The following KIFC3 variants were observed in gnomAD, a reference collection of about 807,000 sequenced individuals.
The protein encoded by KIFC3 is kinesin-like protein KIFC3.
A neutral mutation model predicts 101.8 loss-of-function variants in KIFC3; 60 were observed. The ratio of observed to expected loss-of-function variants is 0.59; its 90% CI spans 0.48 to 0.73. KIFC3 has a LOEUF of 0.73. Among genes scored for constraint, KIFC3 ranks in the 30% least tolerant of loss-of-function variants. The probability of loss-of-function intolerance (pLI) is 0.00; values close to 1 mark genes in which losing one functional copy is unlikely to be tolerated. For synonymous variants in KIFC3, 476 were observed against 482.7 expected (o/e 0.99, Z 0.18); for missense variants, 966 against 1,137.1 (o/e 0.85, Z 2.16).
At chr16:57,810,068 G>A (rs189185628) in intron 1 of KIFC3, among the ~76,000 whole-genome samples, 319 of 152,184 alleles carry the variant, frequency 2.1e-3, no homozygotes, top group Non-Finnish European at 3.9e-3. Context: ...AGTACCCCGC[G>A]GTCCAACACT....
At chr16:57,785,798 G>T (rs967764930) in intron 3 of KIFC3, 4 of 365,284 alleles carry the variant, frequency 1.1e-5, no homozygotes, top group African/African-American at 8.7e-5. Flanking sequence ...ACCAGGTGAG[G>T]GCTGGGGCGG....
At chr16:57,859,780 G>A (rs1280614991) in intron 1 of KIFC3, among the ~76,000 whole-genome samples, 1 of 151,946 alleles carries the variant, frequency 6.6e-6, no homozygotes, top group Non-Finnish European at 1.5e-5. Context: ...CCAGCACTTC[G>A]GGAGGCTGAG....
chr16:57,805,451 T>A (rs2054913480), upstream of KIFC3, among the ~76,000 whole-genome samples: 1 of 152,138 alleles, frequency 6.6e-6, no homozygotes, highest in African/African-American at 2.4e-5. Context: ...AACACTGAAG[T>A]CCTAAACCCT....
chr16:57,758,934 C>T, intron 19 of KIFC3, 25 bp from the exon 20 acceptor site: 1 of 1,555,142 alleles, frequency 6.4e-7, no homozygotes. Context: ...GATCATCAGC[C>T]TCTTGTCCAC....
chr16:57,773,043 C>T (rs1443217895), intron 3 of KIFC3, among the ~76,000 whole-genome samples: 1 of 152,214 alleles, frequency 6.6e-6, no homozygotes, highest in Non-Finnish European at 1.5e-5. Flanking sequence ...CACCCATCCC[C>T]TCCCAAGGCC....
At chr16:57,816,112 G>A in intron 1 of KIFC3, 1 of 974,100 alleles carries the variant, frequency 1.0e-6, no homozygotes, top group Non-Finnish European at 1.3e-6. Context: ...CCTCTTACCA[G>A]TGGCTCTGAA....
rs1257026267 is a variant in KIFC3 at position 57,770,581 on chromosome 16, C to T, written c.885G>A (p.Glu295=). Residue 295 remains glutamate, a synonymous_variant, in exon 7 of 20, where the codon GAG becomes GAA. Transcript: ENST00000445690. The part of the protein sequence containing the change: ...QVAMQRQVLK[E]MEQQLQSSHQ... ...GTGAGCTCTGCAGCTGCTGTTCCAT[C>T]TCCTTCAGCACCTGCCTCTGCATAG... 10 of 1,519,898 alleles carry T rather than the reference C, an allele frequency of 6.6e-6. No homozygotes were observed. The highest frequency in any genetic ancestry group is 8.8e-6 in the Non-Finnish European group (10 of 1,132,808). The allele number at this position is 1,519,898 out of a possible 1,614,324, so 94.2% of individuals were successfully genotyped here.
intron 1 of KIFC3, among the ~76,000 whole-genome samples, chr16:57,830,322 C>T (rs2055552337): frequency 1.3e-5 from 2 of 149,948 alleles, no homozygotes; most frequent in Non-Finnish European, 3.0e-5. Context: ...TCTGCAGCCT[C>T]CCCCTCCCGG....
At chr16:57,856,062 A>G (rs549500950) in intron 1 of KIFC3, among the ~76,000 whole-genome samples, 1 of 152,020 alleles carries the variant, frequency 6.6e-6, no homozygotes, top group East Asian at 1.9e-4. Context: ...GGGGGCTCAC[A>G]CCAGTAATCC....
rs1567339619 is a variant in KIFC3, at chr16:57,847,286, AG to A, written c.108+15442del. On this transcript the variant is annotated intron_variant, in intron 1 of 2. Transcript: ENST00000563028. ...AGGAAGGAAGGGAAGGGAGGGAGGG[AG>A]AGAGGGCGGGGAGGGAGGGAGGGAG... Among the ~76,000 whole-genome samples, 58 of 64,710 alleles carry A rather than the reference AG, an allele frequency of 9.0e-4. 1 individual carries two copies. The highest frequency in any genetic ancestry group is 3.3e-3 in the African/African-American group (53 of 15,862). The allele number at this position is 64,710 out of a possible 152,430, so 42.5% of individuals were successfully genotyped here. A position where few individuals can be genotyped will look rare whatever the true frequency, so the allele number is the denominator to read the frequency against.
chr16:57,812,084 C>T (rs2055096556), intron 1 of KIFC3, among the ~76,000 whole-genome samples: 1 of 149,620 alleles, frequency 6.7e-6, no homozygotes, highest in Non-Finnish European at 1.5e-5. Context: ...CGCTGTCACC[C>T]AGGCTGGAGT....
chr16:57,761,386 T>A (rs376131230), intron 14 of KIFC3, 27 bp downstream of exon 14: 20 of 1,613,704 alleles, frequency 1.2e-5, no homozygotes, highest in Non-Finnish European at 1.4e-5. Flanking sequence ...GCAGTGTGGC[T>A]GTGGTCAGGG....
At chr16:57,803,136 A>C, upstream of KIFC3, 1 of 1,072,846 alleles carries the variant, frequency 9.3e-7, no homozygotes, top group Non-Finnish European at 1.4e-6. Flanking sequence ...GCAAATGAAT[A>C]TCTTCCCAGC....
intron 1 of KIFC3, among the ~76,000 whole-genome samples, chr16:57,860,609 G>A (rs988741178): frequency 6.6e-6 from 1 of 152,180 alleles, no homozygotes; most frequent in African/African-American, 2.4e-5. Flanking sequence ...AGAATTCAGG[G>A]CAAGTTGCAG....
rs1177147272 is a variant in KIFC3, at chr16:57,861,282, C to G, written c.108+1447G>C. Among the ~76,000 whole-genome samples the G allele has an allele frequency of 7.9e-5, 12 of 152,208 alleles. No homozygotes were observed. In the East Asian group the frequency reaches 2.3e-3, roughly 29 times the overall value. ...GGTAAGTTAGCATCATTAACTCATCCCCTCAGCCATAAATATCTTGTGACC... is the reference window on the plus strand; with the variant it reads ...GGTAAGTTAGCATCATTAACTCATCGCCTCAGCCATAAATATCTTGTGACC... On this transcript the variant is annotated intron_variant, in intron 1 of 2. Transcript: ENST00000563028.
Position 57,802,448 on chromosome 16 carries a change from C to T in KIFC3, c.-118G>A, listed in dbSNP as rs1370128074. 6 of 983,086 alleles carry T rather than the reference C, an allele frequency of 6.1e-6. No individual in the cohort carries two copies. Among genetic ancestry groups the T allele is most frequent in the Non-Finnish European group, 7.2e-6 (6 of 829,024 alleles). 60.9% of individuals were successfully genotyped at this position (983,086 alleles called of 1,614,324 possible). Reference sequence around the variant, plus strand: ...GGCCCGGCCCGCCGGCAGGAGGCAGCTCCACGCCGCCGCCTCCTCCTCGGC... The same window carrying T: ...GGCCCGGCCCGCCGGCAGGAGGCAGTTCCACGCCGCCGCCTCCTCCTCGGC... On this transcript the variant is annotated 5_prime_UTR_variant, in exon 1 of 20. Transcript: ENST00000445690. This position sits in a 1 kb window ranked among gnomAD's most constrained non-coding sequence, Gnocchi z 5.0.
chr16:57,805,675 T>TAG (rs1555626786), upstream of KIFC3, among the ~76,000 whole-genome samples: 351 of 29,590 alleles, frequency 0.012, no homozygotes, highest in Non-Finnish European at 0.061. Flanking sequence ...CCCATAGACT[T>TAG]TTTTTTTTTT....
intron 1 of KIFC3, among the ~76,000 whole-genome samples, chr16:57,854,408 A>G (rs1175813981): frequency 1.3e-5 from 2 of 152,166 alleles, no homozygotes; most frequent in African/African-American, 2.4e-5. Flanking sequence ...CGGGCAAATC[A>G]CTTCAGGTCA....
chr16:57,764,294 G>A (rs782049949), intron 11 of KIFC3, 47 bp from the exon 12 acceptor site: 27 of 1,190,564 alleles, frequency 2.3e-5, no homozygotes, highest in African/African-American at 1.5e-4. Context: ...TTCCAGGGCC[G>A]CTGGGACCAC....
Sources: gnomAD v4.1 joint callset for allele counts (sites outside exome capture counted in the v4.1 genomes callset) on GRCh38, gnomAD v4.1.1 for gene constraint, Gnocchi (gnomAD v3.1) non-coding constraint, MANE v1.5 for transcripts, NCBI Gene and HGNC (gene_info 2026-07-23, HGNC 2026-07-21) for gene names.